ALMS1: variants seen among roughly 807,000 people sequenced by gnomAD.
The protein encoded by ALMS1 is centrosome-associated protein ALMS1.
In ALMS1, 271 loss-of-function variants were observed where a neutral mutation model predicts 352.2. That is an observed-to-expected ratio of 0.77 (90% confidence interval 0.70 to 0.85). The LOEUF (loss-of-function observed/expected upper bound fraction) is 0.85. Ranked by LOEUF, ALMS1 falls within the 40% of genes least tolerant of loss-of-function variation. ALMS1 has a pLI of 0.00. For missense variants in ALMS1, 5,445 were observed against 4,870.7 expected, an observed-to-expected ratio of 1.12 and a Z score of -3.51; for synonymous variants, 1,865 against 1,761.2, an observed-to-expected ratio of 1.06 and a Z score of -1.48.
Position 73,525,682 on chromosome 2 carries a change from TCC to T in ALMS1, c.9781+5668_9781+5669del, listed in dbSNP as rs576969711. Among the ~76,000 whole-genome samples the T allele has an allele frequency of 4.6e-5, 7 of 151,834 alleles. No individual in the cohort carries two copies. In the South Asian group the frequency reaches 1.3e-3, roughly 28 times the overall value. The stretch of plus-strand genomic sequence containing the variant: ...GTTCTTTATACATTATGGCTACTAA[TCC>T]CTTGTCAGATGGATAGTTTGCAAAT... On this transcript the variant is annotated intron_variant, in intron 11 of 22. Coordinates refer to ENST00000613296, the MANE Select transcript of ALMS1 (RefSeq NM_001378454.1).
rs1340395934 is a variant in ALMS1 at position 73,451,904 on chromosome 2, G to T, written c.5377G>T (p.Asp1793Tyr). 2 of 1,613,964 alleles carry T rather than the reference G, an allele frequency of 1.2e-6. No individual in the cohort carries two copies. Among genetic ancestry groups the T allele is most frequent in the African/African-American group, 2.7e-5 (2 of 74,898 alleles). The stretch of plus-strand genomic sequence containing the variant: ...AGTTTCAAATGTTCCTGGACCAGCT[G>T]ACCAGAAGACTGGGGTATCAACAGT... ...LKVSNVPGPA[D>Y]QKTGVSTVTS... Residue 1793 changes from aspartate to tyrosine, a missense_variant, in exon 8 of 23, where the codon GAC (aspartate) becomes TAC (tyrosine). Coordinates refer to ENST00000613296, the MANE Select transcript of ALMS1 (RefSeq NM_001378454.1).
At chr2:73,434,281 G>A (rs919248363) in intron 7 of ALMS1, among the ~76,000 whole-genome samples, 9 of 152,082 alleles carry the variant, frequency 5.9e-5, no homozygotes, top group African/African-American at 2.2e-4. Flanking sequence ...TGTGTTAGCT[G>A]CATGTCCTAA....
chr2:73,572,774 G>A lies in ALMS1; in HGVS notation c.10897G>A (p.Ala3633Thr), dbSNP rs544914897. 2 of 1,614,074 alleles carry A rather than the reference G, an allele frequency of 1.2e-6. No homozygotes were observed. The highest frequency in any genetic ancestry group is 2.2e-5 in the South Asian group (2 of 91,080). ...LSLVDRLDRLAKILQNPITHS... is the reference protein window; with the variant it reads ...LSLVDRLDRLTKILQNPITHS... ...CTTGGTGGACCGACTTGATCGTTTGGCTAAAATTCTTCAGAATCCAATCAC... is the reference window on the plus strand; with the variant it reads ...CTTGGTGGACCGACTTGATCGTTTGACTAAAATTCTTCAGAATCCAATCAC... Residue 3633 changes from alanine (A) to threonine (T), a missense_variant, in exon 16 of 23, where the codon GCT (alanine) becomes ACT (threonine). By Grantham distance (58) the Ala-to-Thr change is moderately conservative. Coordinates refer to ENST00000613296, the MANE Select transcript of ALMS1 (RefSeq NM_001378454.1).
Position 73,386,023 on chromosome 2 carries a change from G to A in ALMS1, c.155G>A (p.Arg52Gln), listed in dbSNP as rs1410148323. 6.4e-7 allele frequency: 1 copy of A among 1,557,432 alleles called. No homozygotes were observed. The highest frequency in any genetic ancestry group is 1.9e-5 in the Admixed American group (1 of 52,048). The change falls in exon 1 of 23, where the codon CGG (arginine) becomes CAG (glutamine). Residue 52 changes from arginine to glutamine, a missense_variant. Coordinates refer to ENST00000613296, the MANE Select transcript of ALMS1 (RefSeq NM_001378454.1). Reference protein sequence around the residue: ...VVEEVEEEAGRELDSDSHYGP... With the variant: ...VVEEVEEEAGQELDSDSHYGP... Reference sequence around the variant, plus strand: ...GAGGAGGTGGAGGAAGAGGCGGGGCGGGAGTTGGACTCCGACTCTCACTAC... The same window carrying A: ...GAGGAGGTGGAGGAAGAGGCGGGGCAGGAGTTGGACTCCGACTCTCACTAC...
chr2:73,395,398 A>T (rs1670740452), intron 1 of ALMS1, among the ~76,000 whole-genome samples: 2 of 151,902 alleles, frequency 1.3e-5, no homozygotes. Flanking sequence ...ATCTTATAGG[A>T]CCACCATTAT....
At chr2:73,416,119 C>T (rs1558636144) in intron 2 of ALMS1, among the ~76,000 whole-genome samples, 2 of 152,106 alleles carry the variant, frequency 1.3e-5, no homozygotes, top group South Asian at 2.1e-4. Context: ...GACTCGGGAC[C>T]AGTGATTTTT....
chr2:73,548,593 G>T (rs1174669495), intron 12 of ALMS1, among the ~76,000 whole-genome samples: 1 of 152,220 alleles, frequency 6.6e-6, no homozygotes, highest in African/African-American at 2.4e-5. Context: ...CTCCCTGGGA[G>T]AATTTGTGAA....
intron 9 of ALMS1, among the ~76,000 whole-genome samples, chr2:73,460,079 C>T (rs985815246): frequency 6.6e-6 from 1 of 151,924 alleles, no homozygotes; most frequent in African/African-American, 2.4e-5. Flanking sequence ...ACTCACTTCC[C>T]TGATAGTAAG....
At chr2:73,591,336 A>G (rs1675428589) in intron 16 of ALMS1, among the ~76,000 whole-genome samples, 1 of 152,188 alleles carries the variant, frequency 6.6e-6, no homozygotes, top group Non-Finnish European at 1.5e-5. Flanking sequence ...TTTTGTGTGT[A>G]TAGGTATAAA....
rs1372103295 is a variant in ALMS1, at chr2:73,572,545, CAAAG to C, written c.10671_10674del (p.Glu3558Ter). 1 of 1,613,628 alleles carries C rather than the reference CAAAG, an allele frequency of 6.2e-7. No homozygotes were observed. Among genetic ancestry groups the C allele is most frequent in the Non-Finnish European group, 8.5e-7 (1 of 1,179,924 alleles). On this transcript the variant is annotated frameshift_variant, in exon 16 of 23. Coordinates refer to ENST00000613296, the MANE Select transcript of ALMS1 (RefSeq NM_001378454.1). LOFTEE classifies it high-confidence loss of function. ...TCAGCATCAATGTGAATTTGGGAAA[CAAAG>C]AAGTGATGGATACTACTAAAAGTCA... is the stretch of plus-strand genomic sequence containing the variant.
intron 1 of ALMS1, among the ~76,000 whole-genome samples, chr2:73,388,078 G>A (rs536018297): frequency 1.1e-4 from 16 of 152,222 alleles, no homozygotes; most frequent in African/African-American, 3.9e-4. Context: ...AAGATTATGA[G>A]TTTGGTTTTG....
chr2:73,409,753 T>G (rs1313116712), intron 2 of ALMS1, among the ~76,000 whole-genome samples: 1 of 152,194 alleles, frequency 6.6e-6, no homozygotes, highest in Non-Finnish European at 1.5e-5. Context: ...TATGTGTATA[T>G]ATATATCTTT....
chr2:73,598,549 G>T (rs1159614034), intron 16 of ALMS1, among the ~76,000 whole-genome samples: 2 of 152,098 alleles, frequency 1.3e-5, no homozygotes, highest in Non-Finnish European at 2.9e-5. Context: ...GGTTTATCTA[G>T]TTCAAGGGAT....
intron 12 of ALMS1, among the ~76,000 whole-genome samples, chr2:73,536,513 G>C (rs567274655): frequency 1.3e-5 from 2 of 152,222 alleles, no homozygotes; most frequent in Admixed American, 1.3e-4. Context: ...TATTCTGAGA[G>C]TGAGGAAGTT....
chr2:73,506,717 A>T (rs946230182), intron 10 of ALMS1, among the ~76,000 whole-genome samples: 1 of 152,194 alleles, frequency 6.6e-6, no homozygotes, highest in Non-Finnish European at 1.5e-5. Flanking sequence ...CAATCGTGTC[A>T]TCTGCAAACA....
intron 13 of ALMS1, among the ~76,000 whole-genome samples, chr2:73,556,486 T>G (rs765662401): frequency 7.9e-5 from 12 of 152,140 alleles, no homozygotes; most frequent in Non-Finnish European, 1.8e-4. Context: ...AATGCTGTAT[T>G]TAAAATCTAG....
chr2:73,454,926 C>T (rs548918711), intron 8 of ALMS1, among the ~76,000 whole-genome samples: 27 of 152,150 alleles, frequency 1.8e-4, no homozygotes, highest in African/African-American at 6.3e-4. Flanking sequence ...ATTGATTACC[C>T]GATTTAAAGT....
intron 11 of ALMS1, among the ~76,000 whole-genome samples, chr2:73,529,039 G>C (rs1222045401): frequency 1.0e-5 from 1 of 99,512 alleles, no homozygotes; most frequent in African/African-American, 4.0e-5. Context: ...CCTCAAAGCA[G>C]TTTTTTTTTT....
At chr2:73,554,071 C>T (rs554729101) in intron 13 of ALMS1, among the ~76,000 whole-genome samples, 5 of 152,112 alleles carry the variant, frequency 3.3e-5, no homozygotes, top group African/African-American at 1.2e-4. Flanking sequence ...TTGTAAGCCT[C>T]GTGAAACTAT....
Sources: allele counts gnomAD v4.1 joint callset (sites outside exome capture counted in the v4.1 genomes callset), GRCh38; gene constraint gnomAD v4.1.1; transcripts MANE v1.5; gene names NCBI Gene and HGNC (gene_info 2026-07-23, HGNC 2026-07-21).